The following IFT74 variants were observed in gnomAD, a reference collection of about 807,000 sequenced individuals.
IFT74 encodes intraflagellar transport 74.
IFT74 carries 92 observed loss-of-function variants against 96.7 expected under a neutral mutation model. The ratio of observed to expected loss-of-function variants is 0.95; its 90% CI spans 0.80 to 1.13. The LOEUF (loss-of-function observed/expected upper bound fraction) is 1.13, where lower values mean the gene tolerates loss of function less well. Among genes scored for constraint, IFT74 ranks in the 50% most tolerant of loss-of-function variants. The pLI is 0.00. For synonymous variants in IFT74, 223 were observed against 213.2 expected (o/e 1.05, Z -0.40); for missense variants, 811 against 698.2 (o/e 1.16, Z -1.82).
At chr9:27,017,249 A>T (rs1205088414) in intron 11 of IFT74, among the ~76,000 whole-genome samples, 199 bp downstream of exon 11, 2 of 151,932 alleles carry the variant, frequency 1.3e-5, no homozygotes, top group African/African-American at 4.8e-5. Flanking sequence ...TTGATGTAGG[A>T]TCTTGCTCTG....
At position 27,027,867 on chromosome 9, in the gene IFT74, T is replaced by G. The variant is rs147838029; in HGVS notation, c.975-1158T>G. 3.4e-3 allele frequency among the ~76,000 whole-genome samples: 521 copies of G among 152,298 alleles called. 6 individuals carry two copies. Among genetic ancestry groups the G allele is most frequent in the African/African-American group, 0.012 (489 of 41,564 alleles). On this transcript the variant is annotated intron_variant, in intron 12 of 19. Coordinates refer to ENST00000380062, the MANE Select transcript of IFT74 (RefSeq NM_025103.4). ...TGTTGCTCTTGCTTTTAGTGTCATA[T>G]CTAAGAAACCAATGCCTAATCCAAG... is the stretch of plus-strand genomic sequence containing the variant.
intron 4 of IFT74, among the ~76,000 whole-genome samples, chr9:26,982,653 C>T (rs1827438216): frequency 6.6e-6 from 1 of 151,970 alleles, no homozygotes; most frequent in African/African-American, 2.4e-5. Context: ...CGAGGTTTCT[C>T]AATGTTGGTC....
chr9:27,057,616 G>A (rs889621223), intron 18 of IFT74, among the ~76,000 whole-genome samples: 10 of 152,160 alleles, frequency 6.6e-5, no homozygotes, highest in African/African-American at 2.4e-4. Flanking sequence ...CCAGCACTTT[G>A]GGAGGCTGAG....
At chr9:27,061,304 A>G (rs1037994699) in intron 19 of IFT74, among the ~76,000 whole-genome samples, 7 of 152,216 alleles carry the variant, frequency 4.6e-5, no homozygotes, top group African/African-American at 7.2e-5. Context: ...TTAAATGTCA[A>G]CTCTACTGCT....
chr9:27,028,395 G>A (rs1829971307), intron 12 of IFT74, among the ~76,000 whole-genome samples: 1 of 152,138 alleles, frequency 6.6e-6, no homozygotes. Flanking sequence ...AAAGTTGGGA[G>A]GGGGTGTGCT....
rs62542664 is a variant in IFT74, at chr9:26,978,170, A to T, written c.163A>T (p.Ile55Leu). 1.6e-3 allele frequency: 2,639 copies of T among 1,612,704 alleles called. 2 individuals carry two copies. The highest frequency in any genetic ancestry group is 2.0e-3 in the Non-Finnish European group (2,414 of 1,179,638). ...AAGACCAGGTTCTCGTGGTTGTCCCATAGGGACTGGTGGAGTTCTGTCTTC... is the reference window on the plus strand; with the variant it reads ...AAGACCAGGTTCTCGTGGTTGTCCCTTAGGGACTGGTGGAGTTCTGTCTTC... ...TARPGSRGCP[I>L]GTGGVLSSQI... Residue 55 changes from isoleucine (I) to leucine (L), a missense_variant, in exon 3 of 20, where the codon ATA becomes TTA. By Grantham distance (5) the Ile-to-Leu change is conservative. Coordinates refer to ENST00000380062, the MANE Select transcript of IFT74 (RefSeq NM_025103.4).
intron 1 of IFT74, among the ~76,000 whole-genome samples, chr9:26,957,838 G>A: frequency 6.6e-6 from 1 of 151,720 alleles, no homozygotes. Flanking sequence ...CAGTCGCCCA[G>A]GCTGGAGTGC....
In IFT74 at chr9:26,992,692, C is replaced by CAA. The variant is rs759740948; in HGVS notation, c.587+2509_587+2510dup. Among the ~76,000 whole-genome samples the CAA allele has an allele frequency of 3.0e-5, 4 of 133,516 alleles. No homozygotes were observed. In the East Asian group the frequency reaches 8.5e-4, roughly 29 times the overall value. The allele number at this position is 133,516 out of a possible 152,430, so 87.6% of individuals were successfully genotyped here. ...TGGGTGACAGGGCGAGACTTTGTCTCAAAAAAAAAAAAATAACAAAAAGTA... is the reference window on the plus strand; with the variant it reads ...TGGGTGACAGGGCGAGACTTTGTCTCAAAAAAAAAAAAAAATAACAAAAAGTA... On this transcript the variant is annotated intron_variant, in intron 8 of 19. Transcript: ENST00000380062.
intron 12 of IFT74, among the ~76,000 whole-genome samples, chr9:27,024,670 CTGAAT>C (rs1829769937): frequency 6.6e-6 from 1 of 151,982 alleles, no homozygotes; most frequent in African/African-American, 2.4e-5. Flanking sequence ...GAAGAAATCT[CTGAAT>C]TGACAGAAAA....
chr9:26,958,206 C>G lies in IFT74; in HGVS notation c.-20+1690C>G, dbSNP rs564648453. Among the ~76,000 whole-genome samples the G allele has an allele frequency of 2.6e-5, 4 of 152,218 alleles. No homozygotes were observed. In the South Asian group the frequency reaches 8.3e-4, roughly 32 times the overall value. The stretch of plus-strand genomic sequence containing the variant: ...AAGATGATTAAGATTCAGCTCTTGC[C>G]ATAAAGGGTGAGAAATACTTAAGCA... On this transcript the variant is annotated intron_variant, in intron 1 of 19. Coordinates refer to ENST00000380062, the MANE Select transcript of IFT74 (RefSeq NM_025103.4).
intron 1 of IFT74, among the ~76,000 whole-genome samples, chr9:26,961,437 C>T (rs905480083): frequency 6.6e-6 from 1 of 151,968 alleles, no homozygotes; most frequent in Non-Finnish European, 1.5e-5. Flanking sequence ...GAAAGTGACC[C>T]TGAGGAGCAA....
chr9:26,989,560 A>G (rs535482210), intron 7 of IFT74, among the ~76,000 whole-genome samples: 11 of 152,296 alleles, frequency 7.2e-5, no homozygotes, highest in Admixed American at 2.0e-4. Context: ...TGACTCTTCT[A>G]AATTTGGGGT....
At chr9:27,034,356 A>G (rs992438676) in intron 13 of IFT74, among the ~76,000 whole-genome samples, 19 of 152,328 alleles carry the variant, frequency 1.2e-4, no homozygotes, top group Admixed American at 6.5e-4. Context: ...CATAATATAT[A>G]TGTGTCATTC....
intron 17 of IFT74, 110 bp from the exon 18 acceptor site, chr9:27,056,224 C>A (rs1229308748): frequency 1.2e-6 from 1 of 822,436 alleles, no homozygotes. Context: ...GTAGTTATAG[C>A]CTTGATATAA....
Position 27,057,255 on chromosome 9 carries a change from T to G in IFT74, c.1623+796T>G, listed in dbSNP as rs190387184. 1.5e-3 allele frequency among the ~76,000 whole-genome samples: 235 copies of G among 152,300 alleles called. 3 individuals are homozygous for G. Among genetic ancestry groups the G allele is most frequent in the African/African-American group, 5.4e-3 (226 of 41,568 alleles). On this transcript the variant is annotated intron_variant, in intron 18 of 19. Transcript: ENST00000380062. ...ATTATTTACATAGGATGCGTAGATA[T>G]ATATACCTGCAGCCCCCTTTTCATA...
intron 19 of IFT74, 26 bp from the exon 20 acceptor site, chr9:27,062,591 GT>G: frequency 8.2e-7 from 1 of 1,215,538 alleles, no homozygotes; most frequent in Non-Finnish European, 1.2e-6. Flanking sequence ...TATTGACATT[GT>G]TTTCCCCCTT....
chr9:26,982,887 C>T (rs955575409), intron 4 of IFT74, among the ~76,000 whole-genome samples: 9 of 152,172 alleles, frequency 5.9e-5, no homozygotes, highest in Non-Finnish European at 1.3e-4. Context: ...CTGCCGCACT[C>T]GGCCTCATAA....
chr9:27,036,840 G>C, intron 13 of IFT74: 1 of 1,032,520 alleles, frequency 9.7e-7, no homozygotes, highest in Non-Finnish European at 1.2e-6. Context: ...TAAAACAGAA[G>C]GAAGCTGAAG....
chr9:27,032,359 G>A (rs1312829078), intron 13 of IFT74, among the ~76,000 whole-genome samples: 2 of 152,112 alleles, frequency 1.3e-5, no homozygotes, highest in Non-Finnish European at 2.9e-5. Flanking sequence ...AAAATTAGAT[G>A]TGCATGTTCA....
Sources: allele counts gnomAD v4.1 joint callset (sites outside exome capture counted in the v4.1 genomes callset), GRCh38; gene constraint gnomAD v4.1.1; transcripts MANE v1.5; gene names NCBI Gene and HGNC (gene_info 2026-07-23, HGNC 2026-07-21).